Variants in XRN2 observed in about 807,000 individuals in gnomAD.
The protein encoded by XRN2 is DHM1-like protein.
XRN2 carries 44 observed loss-of-function variants against 138.5 expected under a neutral mutation model. The observed-to-expected ratio is 0.32, with a 90% CI of 0.25 to 0.41. The LOEUF (loss-of-function observed/expected upper bound fraction) is 0.41, where lower values mean the gene tolerates loss of function less well. Ranked by LOEUF, XRN2 falls within the 10% of genes least tolerant of loss-of-function variation. XRN2 has a pLI of 1.00. For synonymous variants in XRN2, 354 were observed against 369.4 expected, an observed-to-expected ratio of 0.96 and a Z score of 0.48; for missense variants, 937 against 1,169.3, an observed-to-expected ratio of 0.80 and a Z score of 2.90.
rs759872063 is a variant in XRN2 at position 21,365,725 on chromosome 20, C to A, written c.2456+21C>A. On this transcript the variant is annotated intron_variant, in intron 26 of 29. Transcript: ENST00000377191. The stretch of plus-strand genomic sequence containing the variant: ...TTGGGGTGAGTTGTCAGTTTTTAGC[C>A]CTTGTATATTTTGCTTTTTCTGAAT... 5 of 1,575,382 alleles carry A rather than the reference C, an allele frequency of 3.2e-6. No homozygotes were observed. In the South Asian group the frequency reaches 5.8e-5, roughly 18 times the overall value.
rs559506639 is a variant in XRN2 at position 21,306,284 on chromosome 20, G to A, written c.75+2811G>A. Among the ~76,000 whole-genome samples, 10 of 73,346 alleles carry A rather than the reference G, an allele frequency of 1.4e-4. 4 individuals carry two copies. The Admixed American group carries it at 1.5e-3, about 11-fold the overall frequency. The allele number at this position is 73,346 out of a possible 152,430, so 48.1% of individuals were successfully genotyped here. ...CCCGAGTAGCTGGGACTACAGGCGC[G>A]CCACCACGCCCGGCTAATTTTTGTA... On this transcript the variant is annotated intron_variant, in intron 1 of 29. Coordinates refer to ENST00000377191, the MANE Select transcript of XRN2 (RefSeq NM_012255.5).
At position 21,365,614 on chromosome 20, in the gene XRN2, C is replaced by T; in HGVS notation, c.2366C>T (p.Ser789Phe). ...CTGAAACCTAGTGACTGGGAAAAAT[C>T]CAGCAATGGACGGCAGTGGAAGCCT... ...AVLKPSDWEK[S>F]SNGRQWKPQL... Residue 789 changes from serine (S) to phenylalanine (F), a missense_variant, in exon 26 of 30, where the codon TCC (serine) becomes TTC (phenylalanine). Physicochemically the swap from Ser to Phe is radical, Grantham distance 155. Coordinates refer to ENST00000377191, the MANE Select transcript of XRN2 (RefSeq NM_012255.5). The T allele has an allele frequency of 6.2e-7, 1 of 1,613,262 alleles. No homozygotes were observed. Among genetic ancestry groups the T allele is most frequent in the East Asian group, 2.2e-5 (1 of 44,832 alleles).
chr20:21,326,161 G>T (rs1032888589), intron 1 of XRN2, 118 bp from the exon 2 acceptor site: 2 of 982,420 alleles, frequency 2.0e-6, no homozygotes, highest in African/African-American at 1.6e-5. Flanking sequence ...TAATTTAAAG[G>T]TTACTTGAAG....
At chr20:21,330,983 AT>A (rs1438222556) in intron 6 of XRN2, among the ~76,000 whole-genome samples, 3 of 152,170 alleles carry the variant, frequency 2.0e-5, no homozygotes, top group Non-Finnish European at 4.4e-5. Context: ...TAGGAAAGTA[AT>A]TTTTAAATGG....
chr20:21,304,730 G>T (rs938127298), intron 1 of XRN2, among the ~76,000 whole-genome samples: 13 of 152,008 alleles, frequency 8.6e-5, no homozygotes, highest in Non-Finnish European at 1.5e-4. Context: ...TATTTTTATT[G>T]GTAAGCTTTA....
intron 27 of XRN2, among the ~76,000 whole-genome samples, chr20:21,370,510 A>G: frequency 6.6e-6 from 1 of 152,244 alleles, no homozygotes; most frequent in Admixed American, 6.5e-5. Flanking sequence ...TATGGTAGAT[A>G]TGGATCGTCA....
chr20:21,385,265 T>A (rs1206952028), intron 28 of XRN2, among the ~76,000 whole-genome samples: 1 of 152,234 alleles, frequency 6.6e-6, no homozygotes, highest in Non-Finnish European at 1.5e-5. Context: ...AATTGTGTTT[T>A]TAGCCCGTGG....
intron 28 of XRN2, among the ~76,000 whole-genome samples, chr20:21,385,093 G>A (rs542329935): frequency 1.7e-3 from 257 of 152,154 alleles, no homozygotes; most frequent in Middle Eastern, 0.01. Context: ...AGAACTTTGC[G>A]TTTTTAAACT....
intron 13 of XRN2, among the ~76,000 whole-genome samples, chr20:21,337,948 C>T (rs545019206): frequency 2.0e-5 from 3 of 152,226 alleles, no homozygotes; most frequent in East Asian, 1.9e-4. Context: ...ACACAAGAGA[C>T]GTTTCATTGA....
intron 27 of XRN2, among the ~76,000 whole-genome samples, chr20:21,370,074 G>A (rs2038744526): frequency 6.6e-6 from 1 of 152,112 alleles, no homozygotes; most frequent in African/African-American, 2.4e-5. Flanking sequence ...TTCTGCATAT[G>A]GATATCCAGT....
intron 1 of XRN2, among the ~76,000 whole-genome samples, chr20:21,309,784 T>A (rs1320869932): frequency 1.3e-5 from 2 of 152,190 alleles, no homozygotes; most frequent in Non-Finnish European, 2.9e-5. Flanking sequence ...AACTTGTTAT[T>A]ATCCTTTTAA....
chr20:21,386,591 GA>G (rs1304001342), intron 28 of XRN2, among the ~76,000 whole-genome samples: 1 of 152,108 alleles, frequency 6.6e-6, no homozygotes, highest in Non-Finnish European at 1.5e-5. Flanking sequence ...GACTAAAAAG[GA>G]AATTTCCCAA....
At chr20:21,373,648 C>T (rs1432365554) in intron 27 of XRN2, among the ~76,000 whole-genome samples, 1 of 152,214 alleles carries the variant, frequency 6.6e-6, no homozygotes, top group Non-Finnish European at 1.5e-5. Flanking sequence ...TTGGTGTTGT[C>T]AGTCTTTGCA....
Position 21,346,459 on chromosome 20 carries a change from T to C in XRN2, c.1574T>C (p.Phe525Ser). 1 of 1,614,120 alleles carries C rather than the reference T, an allele frequency of 6.2e-7. No individual in the cohort carries two copies. Among genetic ancestry groups the C allele is most frequent in the Non-Finnish European group, 8.5e-7 (1 of 1,180,002 alleles). ...AAGCAGCGGTACTACAAGAACAAAT[T>C]TGATGTGGATGCAGCTGATGAGAAA... is the stretch of plus-strand genomic sequence containing the variant. Reference protein sequence around the residue: ...GWKQRYYKNKFDVDAADEKFR... With the variant: ...GWKQRYYKNKSDVDAADEKFR... The change falls in exon 17 of 30, where the codon TTT (phenylalanine) becomes TCT (serine). Residue 525 changes from phenylalanine to serine, a missense_variant. Phe to Ser is a radical substitution (Grantham distance 155). Transcript: ENST00000377191.
At chr20:21,351,787 T>G (rs1488331442) in intron 20 of XRN2, among the ~76,000 whole-genome samples, 1 of 152,200 alleles carries the variant, frequency 6.6e-6, no homozygotes, top group African/African-American at 2.4e-5. Context: ...TGGTCCAACT[T>G]CATTCTTTTG....
At chr20:21,348,116 AT>A in intron 17 of XRN2, 29 bp from the exon 18 acceptor site, 1 of 1,570,460 alleles carries the variant, frequency 6.4e-7, no homozygotes, top group Non-Finnish European at 8.6e-7. Context: ...TAGGTTTTTG[AT>A]TTTGTTGTTA....
intron 28 of XRN2, 139 bp from the exon 29 acceptor site, chr20:21,386,729 A>G: frequency 9.6e-7 from 1 of 1,038,016 alleles, no homozygotes; most frequent in South Asian, 2.0e-5. Flanking sequence ...CACAAAGGCC[A>G]TTCTGATACT....
At chr20:21,317,043 T>C (rs1205791819) in intron 1 of XRN2, among the ~76,000 whole-genome samples, 1 of 152,216 alleles carries the variant, frequency 6.6e-6, no homozygotes, top group Non-Finnish European at 1.5e-5. Context: ...AATCATGTCA[T>C]GTGCAAATAT....
At chr20:21,353,700 T>G (rs2038540923) in intron 20 of XRN2, among the ~76,000 whole-genome samples, 1 of 149,234 alleles carries the variant, frequency 6.7e-6, no homozygotes. Flanking sequence ...GAGGCTGAAG[T>G]GGGAGGATTG....
Sources: gnomAD v4.1 joint callset for allele counts (sites outside exome capture counted in the v4.1 genomes callset) on GRCh38, gnomAD v4.1.1 for gene constraint, MANE v1.5 for transcripts, NCBI Gene and HGNC (gene_info 2026-07-23, HGNC 2026-07-21) for gene names.